The following MROH9 variants were observed in gnomAD, a reference collection of about 807,000 sequenced individuals.
The protein encoded by MROH9 is maestro heat-like repeat-containing protein family member 9.
A neutral mutation model predicts 98.2 loss-of-function variants in MROH9; 92 were observed. The observed-to-expected ratio is 0.94, with a 90% CI of 0.79 to 1.11. MROH9 has a LOEUF of 1.11. Ranked by LOEUF, MROH9 falls within the 50% of genes most tolerant of loss-of-function variation. The probability of loss-of-function intolerance (pLI) is 0.00; values close to 1 mark genes in which losing one functional copy is unlikely to be tolerated. For missense variants in MROH9, 1,057 were observed against 1,014.8 expected, an observed-to-expected ratio of 1.04 and a Z score of -0.57; for synonymous variants, 397 against 368.9, an observed-to-expected ratio of 1.08 and a Z score of -0.87.
rs751066028 is a variant in MROH9 at position 170,986,702 on chromosome 1, G to A, written c.871G>A (p.Val291Ile). ...IFTLEFHAEKVTMVSKIVDAI... is the reference protein window; with the variant it reads ...IFTLEFHAEKITMVSKIVDAI... Reference sequence around the variant, plus strand: ...TACTCTGGAATTTCATGCCGAGAAGGTCACCATGGTAAGATACTTGACAAT... The same window carrying A: ...TACTCTGGAATTTCATGCCGAGAAGATCACCATGGTAAGATACTTGACAAT... Residue 291 changes from valine (V) to isoleucine (I), a missense_variant, in exon 10 of 22, where the codon GTC (valine) becomes ATC (isoleucine). By Grantham distance (29) the Val-to-Ile change is conservative. Coordinates refer to ENST00000367759, the MANE Select transcript of MROH9 (RefSeq NM_001163629.2). 1.2e-6 allele frequency: 2 copies of A among 1,613,562 alleles called. No individual in the cohort carries two copies. The highest frequency in any genetic ancestry group is 2.2e-5 in the East Asian group (1 of 44,868).
Position 170,971,779 on chromosome 1 carries a change from T to C in MROH9, c.512T>C (p.Leu171Pro). The C allele has an allele frequency of 1.9e-6, 3 of 1,614,096 alleles. No homozygotes were observed. The highest frequency in any genetic ancestry group is 2.5e-6 in the Non-Finnish European group (3 of 1,179,954). The part of the protein sequence containing the change: ...ISVDAPCLGL[L>P]AAELSLLCSH... ...GTTGATGCTCCATGTTTGGGTCTCCTGGCAGCAGAGCTGTCTCTTTTGTGT... is the reference window on the plus strand; with the variant it reads ...GTTGATGCTCCATGTTTGGGTCTCCCGGCAGCAGAGCTGTCTCTTTTGTGT... Residue 171 changes from leucine (L) to proline (P), a missense_variant, in exon 8 of 22, where the codon CTG becomes CCG. Physicochemically the swap from Leu to Pro is moderately conservative, Grantham distance 98. Transcript: ENST00000367759.
intron 16 of MROH9, among the ~76,000 whole-genome samples, chr1:171,015,939 T>G (rs1652308024): frequency 6.6e-6 from 1 of 152,208 alleles, no homozygotes; most frequent in African/African-American, 2.4e-5. Flanking sequence ...TGATAATTTT[T>G]TAGTATTATC....
At chr1:170,988,953 A>G (rs1168397698) in intron 10 of MROH9, among the ~76,000 whole-genome samples, 2 of 152,156 alleles carry the variant, frequency 1.3e-5, no homozygotes, top group African/African-American at 4.8e-5. Flanking sequence ...TGTGGAAAAG[A>G]GTAGTTTGAT....
At chr1:170,978,818 T>A (rs1650816341) in intron 8 of MROH9, among the ~76,000 whole-genome samples, 1 of 152,102 alleles carries the variant, frequency 6.6e-6, no homozygotes, top group Non-Finnish European at 1.5e-5. Context: ...ATGTCAGGAA[T>A]GCTCTGTGCT....
At chr1:171,061,981 T>A (rs1473649487) in intron 20 of MROH9, 151 bp from the exon 21 acceptor site, 1 of 605,952 alleles carries the variant, frequency 1.7e-6, no homozygotes, top group Non-Finnish European at 2.9e-6. Context: ...AACAATTTTA[T>A]GAGACAATAA....
intron 2 of MROH9, among the ~76,000 whole-genome samples, chr1:170,946,681 G>C (rs1649341807): frequency 6.6e-6 from 1 of 151,764 alleles, no homozygotes; most frequent in African/African-American, 2.4e-5. Flanking sequence ...TTTAAAAAAA[G>C]AATCAAAGAA....
At chr1:170,983,246 G>A (rs1044603401) in intron 8 of MROH9, among the ~76,000 whole-genome samples, 176 bp from the exon 9 acceptor site, 13 of 152,192 alleles carry the variant, frequency 8.5e-5, no homozygotes, top group African/African-American at 3.1e-4. Flanking sequence ...AACACTTTAT[G>A]AATTCTGTGT....
intron 1 of MROH9, among the ~76,000 whole-genome samples, chr1:170,940,043 T>C (rs1649064135): frequency 6.6e-6 from 1 of 152,300 alleles, no homozygotes; most frequent in East Asian, 1.9e-4. Flanking sequence ...ATGGGCTCCA[T>C]TCAAATTAGC....
intron 20 of MROH9, among the ~76,000 whole-genome samples, chr1:171,037,428 A>G (rs1653138925): frequency 6.6e-6 from 1 of 152,014 alleles, no homozygotes; most frequent in East Asian, 1.9e-4. Context: ...ATTTCTATGA[A>G]GAAAATTGCA....
chr1:170,998,859 C>T (rs1296080999), intron 15 of MROH9: 1 of 641,582 alleles, frequency 1.6e-6, no homozygotes, highest in Non-Finnish European at 1.9e-6. Flanking sequence ...CACATATTAC[C>T]TAAGGTGAAG....
At chr1:170,955,868 T>C (rs1649739255) in intron 3 of MROH9, among the ~76,000 whole-genome samples, 1 of 152,218 alleles carries the variant, frequency 6.6e-6, no homozygotes, top group Admixed American at 6.5e-5. Flanking sequence ...GCTTTTGGGT[T>C]CTTGGTCATG....
intron 20 of MROH9, among the ~76,000 whole-genome samples, 163 bp from the exon 21 acceptor site, chr1:171,061,969 T>C (rs1391035940): frequency 6.6e-6 from 1 of 152,148 alleles, no homozygotes; most frequent in African/African-American, 2.4e-5. Context: ...TATCTTTCAA[T>C]AAACAATTTT....
intron 7 of MROH9, among the ~76,000 whole-genome samples, chr1:170,967,924 T>C (rs1232861084): frequency 6.6e-6 from 1 of 152,222 alleles, no homozygotes; most frequent in Non-Finnish European, 1.5e-5. Context: ...CCCATGTGTA[T>C]ATATCTCCTT....
At chr1:171,060,261 G>A (rs1179259729) in intron 20 of MROH9, among the ~76,000 whole-genome samples, 1 of 151,980 alleles carries the variant, frequency 6.6e-6, no homozygotes, top group Non-Finnish European at 1.5e-5. Flanking sequence ...ACATAAAACA[G>A]GGAAACATAC....
chr1:171,060,290 T>C (rs1236441895), intron 20 of MROH9, among the ~76,000 whole-genome samples: 1 of 152,206 alleles, frequency 6.6e-6, no homozygotes, highest in African/African-American at 2.4e-5. Flanking sequence ...TTAAAAGAGT[T>C]CCATACAGGG....
chr1:170,947,665 A>C (rs1649386278), intron 3 of MROH9, 92 bp downstream of exon 3: 1 of 1,164,554 alleles, frequency 8.6e-7, no homozygotes, highest in East Asian at 2.4e-5. Flanking sequence ...GTTACAAGTA[A>C]TGTTTAAAAT....
At chr1:170,958,332 G>C (rs936565602) in intron 3 of MROH9, 129 bp from the exon 4 acceptor site, 1 of 493,440 alleles carries the variant, frequency 2.0e-6, no homozygotes. Context: ...GAACTCTTGA[G>C]CATGTTTTCC....
intron 20 of MROH9, among the ~76,000 whole-genome samples, chr1:171,031,885 T>A (rs371141617): frequency 6.6e-6 from 1 of 152,204 alleles, no homozygotes; most frequent in African/African-American, 2.4e-5. Context: ...CCAGCTTGTT[T>A]CCATTCTCCT....
chr1:170,942,406 CA>C (rs1557866632), intron 1 of MROH9, among the ~76,000 whole-genome samples: 104 of 137,936 alleles, frequency 7.5e-4, no homozygotes, highest in Middle Eastern at 3.8e-3. Flanking sequence ...CACACACACA[CA>C]CACCCTCAGA....
Sources: gnomAD v4.1 joint callset for allele counts (sites outside exome capture counted in the v4.1 genomes callset) on GRCh38, gnomAD v4.1.1 for gene constraint, MANE v1.5 for transcripts, NCBI Gene and HGNC (gene_info 2026-07-23, HGNC 2026-07-21) for gene names.